The following GGACT variants were observed in gnomAD, a reference collection of about 807,000 sequenced individuals.
The protein encoded by GGACT is gamma-glutamylamine cyclotransferase.
For missense variants in GGACT, 241 were observed against 233.2 expected, an observed-to-expected ratio of 1.03 and a Z score of -0.22; for synonymous variants, 118 against 115.3, an observed-to-expected ratio of 1.02 and a Z score of -0.15.
At chr13:100,583,035 C>T (rs775363997) in intron 2 of GGACT, among the ~76,000 whole-genome samples, 8 of 152,096 alleles carry the variant, frequency 5.3e-5, no homozygotes, top group Non-Finnish European at 1.2e-4. Flanking sequence ...AAAATATGTA[C>T]AAAACTAGGG....
At chr13:100,572,882 T>C (rs1875128449) in intron 2 of GGACT, among the ~76,000 whole-genome samples, 1 of 152,192 alleles carries the variant, frequency 6.6e-6, no homozygotes, top group East Asian at 1.9e-4. Flanking sequence ...AGAACTTGCT[T>C]TCCTGAACGA....
rs370168411 is a variant in GGACT at position 100,530,406 on chromosome 13, TAAATC to T, written c.*1719_*1723del. The T allele has an allele frequency of 2.8e-4, 167 of 590,608 alleles. 1 individual carries two copies. Among genetic ancestry groups the T allele is most frequent in the African/African-American group, 2.6e-3 (140 of 53,884 alleles). 36.6% of individuals were successfully genotyped at this position (590,608 alleles called of 1,614,324 possible). A position where few individuals can be genotyped will look rare whatever the true frequency, so the allele number is the denominator to read the frequency against. ...CTGTGAGATTCCCTAGTGTCAAAAT[TAAATC>T]AATAAAACTGAGCATTTGTCTAAAT... is the stretch of plus-strand genomic sequence containing the variant. On this transcript the variant is annotated 3_prime_UTR_variant, in exon 3 of 3. Transcript: ENST00000683975.
Position 100,545,971 on chromosome 13 carries a change from T to C in GGACT, c.-10-13370A>G, listed in dbSNP as rs1374068215. On this transcript the variant is annotated intron_variant, in intron 2 of 2. Transcript: ENST00000683975. This position sits in a 1 kb window ranked among gnomAD's most constrained non-coding sequence, Gnocchi z 4.4. ...GGGCCACCCAGAGTGCCTTTCCCCC[T>C]CTTTTCCTCCATCATCAGTAGGTGA... is the stretch of plus-strand genomic sequence containing the variant. 6.6e-6 allele frequency among the ~76,000 whole-genome samples: 1 copy of C among 152,194 alleles called. No homozygotes were observed. The highest frequency in any genetic ancestry group is 2.4e-5 in the African/African-American group (1 of 41,450).
At position 100,531,931 on chromosome 13, in the gene GGACT, G is replaced by T; in HGVS notation, c.*199C>A. 1 of 426,658 alleles carries T rather than the reference G, an allele frequency of 2.3e-6. No individual in the cohort carries two copies. Among genetic ancestry groups the T allele is most frequent in the Non-Finnish European group, 4.1e-6 (1 of 244,212 alleles). 26.4% of individuals were successfully genotyped at this position (426,658 alleles called of 1,614,324 possible). Reference sequence around the variant, plus strand: ...TTAAAATCCTAAATTTTTCTTACCAGGTAGAAAGATGGGAGGGAAGCACCT... The same window carrying T: ...TTAAAATCCTAAATTTTTCTTACCATGTAGAAAGATGGGAGGGAAGCACCT... On this transcript the variant is annotated 3_prime_UTR_variant, in exon 3 of 3. Transcript: ENST00000683975.
intron 2 of GGACT, among the ~76,000 whole-genome samples, chr13:100,571,130 G>A (rs1485011580): frequency 3.3e-5 from 5 of 152,086 alleles, no homozygotes; most frequent in Non-Finnish European, 5.9e-5. Context: ...CCAATCCAAA[G>A]GAAAGAAGGG....
chr13:100,577,315 C>T (rs1566539276), intron 2 of GGACT, among the ~76,000 whole-genome samples: 1 of 151,852 alleles, frequency 6.6e-6, no homozygotes, highest in African/African-American at 2.4e-5. Flanking sequence ...ACTCGGGAGG[C>T]TAAGGCAGGA....
At chr13:100,550,306 A>T (rs9585456) in intron 2 of GGACT, among the ~76,000 whole-genome samples, 58,717 of 91,882 alleles carry the variant, frequency 0.64, 16,817 homozygotes, top group South Asian at 0.8. Flanking sequence ...CTCTACACAC[A>T]CACACACACA....
At chr13:100,539,662 T>G in intron 2 of GGACT, 1 of 521,840 alleles carries the variant, frequency 1.9e-6, no homozygotes, top group South Asian at 3.1e-5. Context: ...GTCTGTAGTT[T>G]TCTTTCTTGG....
chr13:100,575,090 A>C (rs1344303677), intron 2 of GGACT, among the ~76,000 whole-genome samples: 4 of 152,208 alleles, frequency 2.6e-5, no homozygotes, highest in Admixed American at 2.6e-4. Flanking sequence ...ACTTTTCAGA[A>C]GGAAAAACAG....
In GGACT at chr13:100,552,027, G is replaced by A. The variant is rs553189499; in HGVS notation, c.-10-19426C>T. ...GACCATGCTGGCTCTACAGCCACCC[G>A]CACCTGAGGGGCCCTTGACCCTTCT... On this transcript the variant is annotated intron_variant, in intron 2 of 2. Transcript: ENST00000683975. Among the ~76,000 whole-genome samples the A allele has an allele frequency of 1.5e-4, 23 of 152,308 alleles. No homozygotes were observed. In the East Asian group the frequency reaches 3.9e-3, roughly 26 times the overall value.
In GGACT at chr13:100,532,336, C is replaced by T; in HGVS notation, c.256G>A (p.Ala86Thr). 1 of 1,550,480 alleles carries T rather than the reference C, an allele frequency of 6.4e-7. No homozygotes were observed. The highest frequency in any genetic ancestry group is 1.2e-5 in the South Asian group (1 of 84,024). The change falls in exon 3 of 3, where the codon GCC becomes ACC. Residue 86 changes from alanine (A) to threonine (T), a missense_variant. Physicochemically the swap from Ala to Thr is moderately conservative, Grantham distance 58 (BLOSUM62 0). Transcript: ENST00000683975. ...CGCAGCACCGTGCGCTGGTACAGGGCCGGGCAACTCTCGAAGTCATCCAGA... is the reference window on the plus strand; with the variant it reads ...CGCAGCACCGTGCGCTGGTACAGGGTCGGGCAACTCTCGAAGTCATCCAGA... ...RFLDDFESCPALYQRTVLRVQ... is the reference protein window; with the variant it reads ...RFLDDFESCPTLYQRTVLRVQ...
In GGACT at chr13:100,530,189, T is replaced by C; in HGVS notation, c.*1941A>G. The C allele has an allele frequency of 6.3e-7, 1 of 1,585,098 alleles. No homozygotes were observed. The highest frequency in any genetic ancestry group is 8.7e-7 in the Non-Finnish European group (1 of 1,153,790). ...TGAAGGATTTATAACCTTTCAGTCA[T>C]CACCCAATTTAATTAGCCATTTGCA... On this transcript the variant is annotated 3_prime_UTR_variant, in exon 3 of 3. Coordinates refer to ENST00000683975, the MANE Select transcript of GGACT (RefSeq NM_001195087.2).
intron 2 of GGACT, among the ~76,000 whole-genome samples, chr13:100,581,380 C>T (rs1875411848): frequency 6.6e-6 from 1 of 152,132 alleles, no homozygotes; most frequent in African/African-American, 2.4e-5. Flanking sequence ...TAAACAAACC[C>T]ACCAGCCCAC....
chr13:100,531,674 G>A lies in GGACT; in HGVS notation c.*456C>T, dbSNP rs2088385484. On this transcript the variant is annotated 3_prime_UTR_variant, in exon 3 of 3. Transcript: ENST00000683975. ...CTCTGATATACAGCATGCTTGCCCT[G>A]TGGATCTTTTCTACAAATTCTACCC... 6.3e-6 allele frequency: 1 copy of A among 159,306 alleles called. No individual in the cohort carries two copies. Among genetic ancestry groups the A allele is most frequent in the African/African-American group, 2.4e-5 (1 of 41,762 alleles). The allele number at this position is 159,306 out of a possible 1,614,324, so 9.9% of individuals were successfully genotyped here. A position where few individuals can be genotyped will look rare whatever the true frequency, so the allele number is the denominator to read the frequency against.
chr13:100,558,955 T>G (rs956163869), intron 2 of GGACT, among the ~76,000 whole-genome samples: 8 of 152,144 alleles, frequency 5.3e-5, no homozygotes, highest in Admixed American at 2.6e-4. Context: ...AACAAGTAAT[T>G]GCCTGGAATT....
rs1444914657 is a variant in GGACT at position 100,534,486 on chromosome 13, A to G, written c.-10-1885T>C. Among the ~76,000 whole-genome samples the G allele has an allele frequency of 6.6e-6, 1 of 151,724 alleles. No homozygotes were observed. Among genetic ancestry groups the G allele is most frequent in the Admixed American group, 6.5e-5 (1 of 15,282 alleles). ...GGACTCGGCTGCTGGGGTGTACGTG[A>G]AAATGACAAAAGGCACCAGCTGAGA... On this transcript the variant is annotated intron_variant, in intron 2 of 2. Transcript: ENST00000683975. This position sits in a 1 kb window ranked among gnomAD's most constrained non-coding sequence, Gnocchi z 4.9.
chr13:100,584,029 T>C (rs941224134), intron 1 of GGACT, 32 bp from the exon 2 acceptor site: 1 of 152,148 alleles, frequency 6.6e-6, no homozygotes, highest in South Asian at 2.1e-4. Context: ...GGAAGTCAAC[T>C]GAAGAAAGTT....
chr13:100,564,054 G>T (rs773390805), intron 2 of GGACT, among the ~76,000 whole-genome samples: 3 of 152,166 alleles, frequency 2.0e-5, no homozygotes, highest in Non-Finnish European at 2.9e-5. Flanking sequence ...GGCTCCCCAC[G>T]CCTGTTGAGT....
At chr13:100,552,433 C>T (rs528743947) in intron 2 of GGACT, among the ~76,000 whole-genome samples, 2 of 152,268 alleles carry the variant, frequency 1.3e-5, no homozygotes, top group Middle Eastern at 3.4e-3. Context: ...GAGAAACAGA[C>T]GGGGAAGTTC....
Sources: gnomAD v4.1 joint callset for allele counts (sites outside exome capture counted in the v4.1 genomes callset) on GRCh38, gnomAD v4.1.1 for gene constraint, Gnocchi (gnomAD v3.1) non-coding constraint, MANE v1.5 for transcripts, NCBI Gene and HGNC (gene_info 2026-07-23, HGNC 2026-07-21) for gene names.